Variants in VSTM2A observed in about 807,000 individuals in gnomAD.
The protein encoded by VSTM2A is V-set and transmembrane domain containing 2A, also known as V-set and transmembrane domain-containing protein 2A.
A neutral mutation model predicts 27.3 loss-of-function variants in VSTM2A; 13 were observed. The ratio of observed to expected loss-of-function variants is 0.48; its 90% CI spans 0.31 to 0.76. VSTM2A has a LOEUF of 0.76. VSTM2A is among the 30% of genes least tolerant of loss of function. The probability of loss-of-function intolerance (pLI) is 0.05; values close to 1 mark genes in which losing one functional copy is unlikely to be tolerated. For synonymous variants in VSTM2A, 142 were observed against 125.7 expected (o/e 1.13, Z -0.87); for missense variants, 280 against 310.0 (o/e 0.90, Z 0.73).
At chr7:54,551,248 A>G (rs1266071515) in intron 4 of VSTM2A, 3 of 152,170 alleles carry the variant, frequency 2.0e-5, no homozygotes, top group Non-Finnish European at 4.4e-5. Context: ...AGAAATACAT[A>G]TAGGTATGTA....
intron 4 of VSTM2A, among the ~76,000 whole-genome samples, chr7:54,561,063 T>C (rs1788547759): frequency 6.6e-6 from 1 of 152,204 alleles, no homozygotes; most frequent in Non-Finnish European, 1.5e-5. Context: ...TCTAGCGTTG[T>C]AAATAGTTAA....
At chr7:54,557,833 C>G (rs558418865) in intron 4 of VSTM2A, 1 of 152,262 alleles carries the variant, frequency 6.6e-6, no homozygotes, top group South Asian at 2.1e-4. Flanking sequence ...ATGGTCTTTA[C>G]CACCTGGTTC....
Position 54,544,785 on chromosome 7 carries a change from G to A in VSTM2A, c.243G>A (p.Ala81=). The A allele has an allele frequency of 1.9e-6, 3 of 1,602,472 alleles. No individual in the cohort carries two copies. Among genetic ancestry groups the A allele is most frequent in the Non-Finnish European group, 2.6e-6 (3 of 1,174,896 alleles). ...ATCCCGGGGCCGAGGGGGCCGGCGCGCAGGTAGCGGAGCCCGCCGACCCCG... is the reference window on the plus strand; with the variant it reads ...ATCCCGGGGCCGAGGGGGCCGGCGCACAGGTAGCGGAGCCCGCCGACCCCG... ...DLDPGAEGAG[A]QVELLPDRDP... is the part of the protein sequence containing the mutation. Residue 81 remains alanine, a synonymous_variant, in exon 2 of 5, where the codon GCG becomes GCA. Transcript: ENST00000402613.
intron 4 of VSTM2A, chr7:54,550,505 A>C: frequency 2.2e-6 from 1 of 462,656 alleles, no homozygotes; most frequent in Non-Finnish European, 3.6e-6. Context: ...TTTTCTCTAC[A>C]GATTTATGTA....
At position 54,569,738 on chromosome 7, in the gene VSTM2A, A is replaced by G. The variant is rs1788834344; in HGVS notation, c.*519A>G. 1 of 154,704 alleles carries G rather than the reference A, an allele frequency of 6.5e-6. No individual in the cohort carries two copies. Among genetic ancestry groups the G allele is most frequent in the Non-Finnish European group, 1.4e-5 (1 of 69,710 alleles). The allele number at this position is 154,704 out of a possible 1,614,324, so 9.6% of individuals were successfully genotyped here. A position where few individuals can be genotyped will look rare whatever the true frequency, so the allele number is the denominator to read the frequency against. ...TGCTGGTTATGGCCAATCTCCGTCA[A>G]TCCTAGGAGGTTTATAGAACTACAT... is the stretch of plus-strand genomic sequence containing the variant. On this transcript the variant is annotated 3_prime_UTR_variant, in exon 5 of 5. Coordinates refer to ENST00000402613, the MANE Select transcript of VSTM2A (RefSeq NM_001301009.2).
chr7:54,543,159 G>T (rs1232434540), intron 1 of VSTM2A, among the ~76,000 whole-genome samples: 1 of 152,060 alleles, frequency 6.6e-6, no homozygotes, highest in Non-Finnish European at 1.5e-5. Context: ...CACAGGGCTG[G>T]ATACTGGGAC....
chr7:54,561,974 G>A (rs908754999), intron 4 of VSTM2A, among the ~76,000 whole-genome samples: 13 of 151,994 alleles, frequency 8.6e-5, no homozygotes, highest in African/African-American at 3.1e-4. Flanking sequence ...ACCCAGGCTG[G>A]AGTGCAGTGG....
chr7:54,549,142 C>T (rs1162322854), intron 3 of VSTM2A, among the ~76,000 whole-genome samples: 1 of 151,684 alleles, frequency 6.6e-6, no homozygotes, highest in Non-Finnish European at 1.5e-5. Context: ...GAAAATCAAG[C>T]CAGTGTTTTA....
intron 4 of VSTM2A, chr7:54,553,736 G>T: frequency 7.8e-7 from 1 of 1,274,840 alleles, no homozygotes; most frequent in Non-Finnish European, 1.1e-6. Context: ...GAAGTCCCAG[G>T]ATCTTGACCA....
chr7:54,554,064 G>A, intron 4 of VSTM2A: 1 of 1,551,966 alleles, frequency 6.4e-7, no homozygotes, highest in Non-Finnish European at 8.7e-7. Flanking sequence ...CTGCGTGCTG[G>A]CTCCTCCAGG....
chr7:54,568,072 C>A (rs1222887530), intron 4 of VSTM2A, among the ~76,000 whole-genome samples: 1 of 152,136 alleles, frequency 6.6e-6, no homozygotes, highest in African/African-American at 2.4e-5. Context: ...AGCCCACCTA[C>A]CAGTAAGGCA....
chr7:54,546,371 G>C (rs1048281146), intron 2 of VSTM2A, among the ~76,000 whole-genome samples: 9 of 151,864 alleles, frequency 5.9e-5, no homozygotes, highest in Non-Finnish European at 1.5e-5. Flanking sequence ...GGGCGAGGGA[G>C]ACCTAGTTGA....
At position 54,544,282 on chromosome 7, in the gene VSTM2A, T is replaced by C. The variant is rs376511882; in HGVS notation, c.80-340T>C. 5.3e-5 allele frequency among the ~76,000 whole-genome samples: 8 copies of C among 152,348 alleles called. No individual in the cohort carries two copies. In the East Asian group the frequency reaches 7.7e-4, roughly 15 times the overall value. Reference sequence around the variant, plus strand: ...TATCAACTTGACAGATTGCCTAAATTGTATCTCACTGACTCTCTCAGTAAA... The same window carrying C: ...TATCAACTTGACAGATTGCCTAAATCGTATCTCACTGACTCTCTCAGTAAA... On this transcript the variant is annotated intron_variant, in intron 1 of 4. Coordinates refer to ENST00000402613, the MANE Select transcript of VSTM2A (RefSeq NM_001301009.2).
At chr7:54,561,373 G>GAAT (rs72024629) in intron 4 of VSTM2A, among the ~76,000 whole-genome samples, 10,479 of 152,132 alleles carry the variant, frequency 0.069, 429 homozygotes, top group African/African-American at 0.12. Context: ...AATGTAATTT[G>GAAT]GTGAACGTTT....
At position 54,542,727 on chromosome 7, in the gene VSTM2A, T is replaced by G. The variant is rs762826268; in HGVS notation, c.-4T>G. On this transcript the variant is annotated 5_prime_UTR_variant, in exon 1 of 5. Transcript: ENST00000402613. Reference sequence around the variant, plus strand: ...CACTGATGTGACCCCCCTCCCTTTTTGGAATGATGGGGATCTTTTTGGTGT... The same window carrying G: ...CACTGATGTGACCCCCCTCCCTTTTGGGAATGATGGGGATCTTTTTGGTGT... 19 of 1,613,612 alleles carry G rather than the reference T, an allele frequency of 1.2e-5. No individual in the cohort carries two copies. The highest frequency in any genetic ancestry group is 1.7e-4 in the Middle Eastern group (1 of 6,058).
chr7:54,564,157 A>G (rs1271238845), intron 4 of VSTM2A, among the ~76,000 whole-genome samples: 2 of 152,358 alleles, frequency 1.3e-5, no homozygotes, highest in East Asian at 3.9e-4. Context: ...CTTCACAGAC[A>G]GAGAAGTATT....
intron 4 of VSTM2A, chr7:54,557,077 G>C (rs1298726480): frequency 6.6e-6 from 1 of 152,348 alleles, no homozygotes; most frequent in African/African-American, 2.4e-5. Flanking sequence ...CACCCTAAAA[G>C]AGCAAGAAAG....
intron 4 of VSTM2A, among the ~76,000 whole-genome samples, chr7:54,555,444 T>G (rs1449455083): frequency 1.3e-5 from 2 of 152,220 alleles, no homozygotes; most frequent in African/African-American, 4.8e-5. Flanking sequence ...CTCTATGGCT[T>G]TGCAAATGCT....
chr7:54,556,009 C>A (rs1312894531), intron 4 of VSTM2A, among the ~76,000 whole-genome samples: 1 of 152,188 alleles, frequency 6.6e-6, no homozygotes, highest in Non-Finnish European at 1.5e-5. Context: ...TTAAAAGAAT[C>A]ATTGGCTTTT....
Sources: gnomAD v4.1 joint callset for allele counts (sites outside exome capture counted in the v4.1 genomes callset) on GRCh38, gnomAD v4.1.1 for gene constraint, MANE v1.5 for transcripts, NCBI Gene and HGNC (gene_info 2026-07-23, HGNC 2026-07-21) for gene names.